The following KLK8 variants were observed in gnomAD, a reference collection of about 807,000 sequenced individuals.
The protein encoded by KLK8 is kallikrein-8.
KLK8 carries 18 observed loss-of-function variants against 26.7 expected under a neutral mutation model. That is an observed-to-expected ratio of 0.67 (90% CI 0.47 to 1.00). KLK8 has a LOEUF of 1.00. Ranked by LOEUF, KLK8 falls within the 50% of genes least tolerant of loss-of-function variation. The pLI is 0.00. For synonymous variants in KLK8, 137 were observed against 127.1 expected (o/e 1.08, Z -0.52); for missense variants, 301 against 331.7 (o/e 0.91, Z 0.72).
In KLK8 at chr19:51,000,598, A is replaced by G; in HGVS notation, c.71-15T>C. 6.2e-7 allele frequency: 1 copy of G among 1,613,400 alleles called. No individual in the cohort carries two copies. The highest frequency in any genetic ancestry group is 1.1e-5 in the South Asian group (1 of 91,062). ...CCTGGAGTGTCCTGCAGCAGGAGGG[A>G]GAGGGTTGGATCGCCACCCTCTGGG... On this transcript the variant is annotated splice_polypyrimidine_tract_variant and intron_variant, in intron 3 of 6. Coordinates refer to ENST00000600767, the Ensembl canonical transcript of KLK8.
chr19:50,996,351 G>C (rs2091165963), intron 6 of KLK8, 137 bp from the exon 6 acceptor site: 2 of 832,044 alleles, frequency 2.4e-6, no homozygotes, highest in Non-Finnish European at 3.7e-6. Flanking sequence ...TGTCCCCTGA[G>C]ACCAGTCAGG....
Position 51,001,088 on chromosome 19 carries a change from C to T in KLK8, c.70+10G>A, listed in dbSNP as rs769097215. 1 of 1,609,494 alleles carries T rather than the reference C, an allele frequency of 6.2e-7. No homozygotes were observed. On this transcript the variant is annotated intron_variant, in intron 3 of 6. Transcript: ENST00000600767. The stretch of plus-strand genomic sequence containing the variant: ...CCCTCCCCTCCGGAGGCCTCCGCAA[C>T]CCTCCTCACCTGCCCAGGCTCCCCC...
rs773701579 is a variant in KLK8, at chr19:51,001,184, T to C, written c.-8-9A>G. ...GCGTCCCATGGTGAGGTCTGGGAAA[T>C]GGAGAGGGCGGGGCCGGTAAACAGG... On this transcript the variant is annotated splice_polypyrimidine_tract_variant and intron_variant, in intron 2 of 6. Coordinates refer to ENST00000600767, the Ensembl canonical transcript of KLK8. 54 of 1,610,168 alleles carry C rather than the reference T, an allele frequency of 3.4e-5. No individual in the cohort carries two copies. The highest frequency in any genetic ancestry group is 4.0e-5 in the Non-Finnish European group (47 of 1,178,664).
At chr19:51,001,249 G>T in intron 2 of KLK8, 74 bp from the exon 2 acceptor site, 2 of 1,326,782 alleles carry the variant, frequency 1.5e-6, no homozygotes, top group South Asian at 1.2e-5. Context: ...TTTGGGCACT[G>T]GGGAGGCAGC....
chr19:50,996,361 G>A (rs1298306381), intron 6 of KLK8, 147 bp from the exon 6 acceptor site: 2 of 780,336 alleles, frequency 2.6e-6, no homozygotes, highest in Non-Finnish European at 4.1e-6. Flanking sequence ...GACCAGTCAG[G>A]ACAGGGCTTG....
intron 6 of KLK8, 141 bp from the exon 6 acceptor site, chr19:50,996,355 A>G: frequency 1.2e-6 from 1 of 813,120 alleles, no homozygotes; most frequent in South Asian, 1.7e-5. Flanking sequence ...CCCTGAGACC[A>G]GTCAGGACAG....
chr19:51,000,411 A>G lies in KLK8; in HGVS notation c.230+13T>C. 6.3e-7 allele frequency: 1 copy of G among 1,593,146 alleles called. No homozygotes were observed. Among genetic ancestry groups the G allele is most frequent in the South Asian group, 1.1e-5 (1 of 87,868 alleles). ...TAAGCCCCAGCTGACCTCTGCCCCC[A>G]TCATCCACTCACGGTTTTTTACAGT... On this transcript the variant is annotated intron_variant, in intron 4 of 6. Coordinates refer to ENST00000600767, the Ensembl canonical transcript of KLK8.
intron 2 of KLK8, 108 bp downstream of exon 1, chr19:51,001,424 C>G (rs1039407876): frequency 3.9e-6 from 2 of 509,528 alleles, no homozygotes; most frequent in Non-Finnish European, 7.1e-6. Context: ...AGCCGGGGTC[C>G]AGACTGCTGG....
chr19:51,000,602 G>T lies in KLK8; in HGVS notation c.71-19C>A. 6.2e-7 allele frequency: 1 copy of T among 1,613,360 alleles called. No homozygotes were observed. Among genetic ancestry groups the T allele is most frequent in the Non-Finnish European group, 8.5e-7 (1 of 1,179,468 alleles). On this transcript the variant is annotated intron_variant, in intron 3 of 6. Transcript: ENST00000600767. Reference sequence around the variant, plus strand: ...GAGTGTCCTGCAGCAGGAGGGAGAGGGTTGGATCGCCACCCTCTGGGGCAG... The same window carrying T: ...GAGTGTCCTGCAGCAGGAGGGAGAGTGTTGGATCGCCACCCTCTGGGGCAG...
intron 6 of KLK8, 134 bp downstream of exon 5, chr19:50,997,617 T>G: frequency 9.7e-7 from 1 of 1,033,092 alleles, no homozygotes; most frequent in Non-Finnish European, 1.4e-6. Flanking sequence ...TCCCAATCCG[T>G]AGAGATAGGG....
intron 6 of KLK8, among the ~76,000 whole-genome samples, chr19:50,997,201 G>A (rs1027418452): frequency 1.3e-5 from 2 of 152,156 alleles, no homozygotes; most frequent in African/African-American, 4.8e-5. Flanking sequence ...CAAATCCCAA[G>A]AGAAAGGGAT....
At chr19:50,998,795 G>A (rs2091192774) in intron 5 of KLK8, among the ~76,000 whole-genome samples, 1 of 152,166 alleles carries the variant, frequency 6.6e-6, no homozygotes, top group South Asian at 2.1e-4. Flanking sequence ...AGCACTAGGA[G>A]AACACAATGA....
At chr19:50,997,032 T>G (rs2091176695) in intron 6 of KLK8, among the ~76,000 whole-genome samples, 1 of 151,972 alleles carries the variant, frequency 6.6e-6, no homozygotes, top group Non-Finnish European at 1.5e-5. Flanking sequence ...GCAGTATCGC[T>G]GATGGAAACG....
At chr19:51,000,526 G>A (rs979950210) in exon 4 of KLK8, 12 of 1,613,940 alleles carry the variant, frequency 7.4e-6, no homozygotes, top group East Asian at 2.2e-5. Flanking sequence ...CCAAGGCTGC[G>A]AATGGGGTTG....
chr19:50,996,290 AC>A, intron 6 of KLK8, 76 bp from the exon 6 acceptor site: 1 of 1,531,592 alleles, frequency 6.5e-7, no homozygotes, highest in Non-Finnish European at 8.9e-7. Context: ...CCAGCGTTTT[AC>A]CAGTTCTTTG....
intron 2 of KLK8, 25 bp from the exon 2 acceptor site, chr19:51,001,200 G>A (rs1477580981): frequency 2.5e-6 from 4 of 1,597,964 alleles, no homozygotes; most frequent in Non-Finnish European, 3.4e-6. Context: ...GGGCGGGGCC[G>A]GTAAACAGGA....
exon 6 of KLK8, chr19:50,997,818 G>A (rs1287115302): frequency 1.9e-6 from 3 of 1,614,152 alleles, no homozygotes; most frequent in Non-Finnish European, 2.5e-6. Flanking sequence ...CCCCGGGTAA[G>A]CATCCTCACA....
chr19:51,001,078 G>T lies in KLK8; in HGVS notation c.70+20C>A. ...GCCTTCAGATCCCTCCCCTCCGGAG[G>T]CCTCCGCAACCCTCCTCACCTGCCC... On this transcript the variant is annotated intron_variant, in intron 3 of 6. Coordinates refer to ENST00000600767, the Ensembl canonical transcript of KLK8. 2 of 1,604,248 alleles carry T rather than the reference G, an allele frequency of 1.2e-6. No homozygotes were observed. Among genetic ancestry groups the T allele is most frequent in the African/African-American group, 1.3e-5 (1 of 74,940 alleles).
intron 6 of KLK8, among the ~76,000 whole-genome samples, chr19:50,997,468 C>T (rs898615729): frequency 1.3e-5 from 2 of 152,168 alleles, no homozygotes; most frequent in African/African-American, 4.8e-5. Context: ...TGGACATCTA[C>T]CCCACCCTCT....
Sources: gnomAD v4.1 joint callset for allele counts (sites outside exome capture counted in the v4.1 genomes callset) on GRCh38, gnomAD v4.1.1 for gene constraint, MANE v1.5 for transcripts, NCBI Gene and HGNC (gene_info 2026-07-23, HGNC 2026-07-21) for gene names.